Variants in CDH13 observed in about 807,000 individuals in gnomAD.
The protein encoded by CDH13 is cadherin-13.
A neutral mutation model predicts 63.8 loss-of-function variants in CDH13; 24 were observed. The observed-to-expected ratio is 0.38, with a 90% CI of 0.27 to 0.53. CDH13 has a LOEUF of 0.53. Among genes scored for constraint, CDH13 ranks in the 20% least tolerant of loss-of-function variants. CDH13 has a pLI of 0.85. For synonymous variants in CDH13, 503 were observed against 355.3 expected (o/e 1.42, Z -4.67); for missense variants, 1,049 against 903.1 (o/e 1.16, Z -2.07).
intron 6 of CDH13, among the ~76,000 whole-genome samples, chr16:83,384,672 G>A (rs747670335): frequency 2.6e-5 from 4 of 152,224 alleles, no homozygotes; most frequent in Non-Finnish European, 4.4e-5. Context: ...GGAGAGGGGA[G>A]AGTGGTGAAG....
At chr16:82,897,795 C>T (rs1032985236) in intron 2 of CDH13, among the ~76,000 whole-genome samples, 2 of 152,240 alleles carry the variant, frequency 1.3e-5, no homozygotes, top group African/African-American at 4.8e-5. Context: ...AGGCTTAGGC[C>T]AGGTAACTAA....
chr16:83,241,822 A>T (rs4782760), intron 5 of CDH13, among the ~76,000 whole-genome samples: 1 of 152,158 alleles, frequency 6.6e-6, no homozygotes, highest in African/African-American at 2.4e-5. Context: ...TTTGATGAGC[A>T]TAAGTTTTTA....
intron 7 of CDH13, among the ~76,000 whole-genome samples, chr16:83,536,399 A>G (rs1157037571): frequency 6.6e-6 from 1 of 152,080 alleles, no homozygotes; most frequent in Non-Finnish European, 1.5e-5. Context: ...CTTGGGGTGA[A>G]TCAAGAGGAT....
At chr16:83,009,232 T>G (rs1343155661) in intron 2 of CDH13, among the ~76,000 whole-genome samples, 3 of 152,224 alleles carry the variant, frequency 2.0e-5, no homozygotes, top group African/African-American at 7.2e-5. Context: ...TAGCATCCAG[T>G]ATTTTGTCAT....
intron 3 of CDH13, among the ~76,000 whole-genome samples, chr16:83,093,567 AC>A (rs2039107198): frequency 6.6e-6 from 1 of 151,842 alleles, no homozygotes; most frequent in South Asian, 2.1e-4. Flanking sequence ...TGATCCACCT[AC>A]CTCGGCCTCC....
chr16:83,034,900 C>T (rs189261968), intron 3 of CDH13, among the ~76,000 whole-genome samples: 9 of 152,164 alleles, frequency 5.9e-5, no homozygotes, highest in South Asian at 2.1e-4. Flanking sequence ...GCTGTCTGTA[C>T]GCATTTTCGA....
intron 2 of CDH13, among the ~76,000 whole-genome samples, chr16:82,956,102 T>A (rs1446185880): frequency 1.3e-5 from 2 of 152,074 alleles, no homozygotes; most frequent in Non-Finnish European, 2.9e-5. Flanking sequence ...CCAGACTTTT[T>A]TTTCCAGTGT....
chr16:83,745,089 G>A (rs776974637), intron 10 of CDH13, among the ~76,000 whole-genome samples: 2 of 152,198 alleles, frequency 1.3e-5, no homozygotes, highest in Non-Finnish European at 2.9e-5. Flanking sequence ...GCTGGTGTGA[G>A]GGCTGAAGGC....
chr16:82,945,945 TC>T (rs1180348320), intron 2 of CDH13, among the ~76,000 whole-genome samples: 1 of 152,176 alleles, frequency 6.6e-6, no homozygotes, highest in Non-Finnish European at 1.5e-5. Flanking sequence ...TGTGAATTCT[TC>T]TACGACTCTT....
chr16:83,143,231 T>C (rs1265488663), intron 4 of CDH13, among the ~76,000 whole-genome samples: 1 of 152,200 alleles, frequency 6.6e-6, no homozygotes. Context: ...TATTTTAAAC[T>C]TGGATATAGT....
chr16:82,752,577 C>G (rs1190200903), intron 1 of CDH13, among the ~76,000 whole-genome samples: 2 of 152,198 alleles, frequency 1.3e-5, no homozygotes, highest in Non-Finnish European at 2.9e-5. Context: ...ATGTCCAATT[C>G]TCAGTTGTGA....
chr16:83,237,801 A>T (rs1192663338), intron 5 of CDH13, among the ~76,000 whole-genome samples: 1 of 152,236 alleles, frequency 6.6e-6, no homozygotes, highest in Non-Finnish European at 1.5e-5. Context: ...TCGAGATAAA[A>T]TGAGGTATAG....
intron 10 of CDH13, among the ~76,000 whole-genome samples, chr16:83,730,764 C>T (rs1910950911): frequency 1.3e-5 from 2 of 152,254 alleles, no homozygotes; most frequent in African/African-American, 4.8e-5. Context: ...GATCCCATCA[C>T]CCAGACAGTG....
chr16:83,128,753 C>G (rs1567857766), intron 4 of CDH13, among the ~76,000 whole-genome samples: 1 of 152,180 alleles, frequency 6.6e-6, no homozygotes, highest in African/African-American at 2.4e-5. Flanking sequence ...TGGGAACATT[C>G]TTCTGCATTG....
intron 2 of CDH13, among the ~76,000 whole-genome samples, chr16:82,959,435 A>G (rs566444473): frequency 9.9e-5 from 15 of 152,278 alleles, no homozygotes; most frequent in African/African-American, 3.4e-4. Flanking sequence ...GGATGTCTGA[A>G]TGGCTTTGGT....
intron 8 of CDH13, among the ~76,000 whole-genome samples, chr16:83,615,372 A>G (rs1909199053): frequency 6.6e-6 from 1 of 152,150 alleles, no homozygotes; most frequent in South Asian, 2.1e-4. Flanking sequence ...TATCTGACTC[A>G]AGTGACTTTT....
intron 5 of CDH13, among the ~76,000 whole-genome samples, chr16:83,306,090 C>G (rs532864524): frequency 6.6e-6 from 1 of 152,002 alleles, no homozygotes; most frequent in Non-Finnish European, 1.5e-5. Flanking sequence ...TTCTGCAGCC[C>G]AGGTTGTAAT....
At chr16:83,121,361 G>A (rs1253686735) in intron 3 of CDH13, among the ~76,000 whole-genome samples, 2 of 152,174 alleles carry the variant, frequency 1.3e-5, no homozygotes, top group East Asian at 3.8e-4. Context: ...TAGGTAAATT[G>A]GAGCAGTTTG....
At chr16:82,631,530 C>G (rs9936841) in intron 1 of CDH13, among the ~76,000 whole-genome samples, 1,665 of 152,334 alleles carry the variant, frequency 0.011, 26 homozygotes, top group African/African-American at 0.038. Flanking sequence ...AGCTGTCAGC[C>G]AGGTACCCAT....
Sources: gnomAD v4.1 joint callset for allele counts (sites outside exome capture counted in the v4.1 genomes callset) on GRCh38, gnomAD v4.1.1 for gene constraint, MANE v1.5 for transcripts, NCBI Gene and HGNC (gene_info 2026-07-23, HGNC 2026-07-21) for gene names.